TSG101: variants seen among roughly 807,000 people sequenced by gnomAD.
TSG101 encodes tumor susceptibility gene 101 protein.
Under a neutral mutation model 48.5 loss-of-function variants are expected in TSG101, and 19 were observed. That is an observed-to-expected ratio of 0.39 (90% CI 0.27 to 0.58). The LOEUF (loss-of-function observed/expected upper bound fraction) is 0.58, where lower values mean the gene tolerates loss of function less well. TSG101 is among the 20% of genes least tolerant of loss of function. TSG101 has a pLI of 0.55. For synonymous variants in TSG101, 174 were observed against 169.4 expected, an observed-to-expected ratio of 1.03 and a Z score of -0.21; for missense variants, 365 against 484.4, an observed-to-expected ratio of 0.75 and a Z score of 2.31.
chr11:18,506,574 C>T (rs1849977436), intron 6 of TSG101, among the ~76,000 whole-genome samples: 1 of 151,828 alleles, frequency 6.6e-6, no homozygotes, highest in Non-Finnish European at 1.5e-5. Context: ...CCTGTAGTCC[C>T]AACTGCTAGG....
At chr11:18,505,306 G>T (rs1038381146) in intron 6 of TSG101, among the ~76,000 whole-genome samples, 2 of 151,764 alleles carry the variant, frequency 1.3e-5, no homozygotes, top group Admixed American at 1.3e-4. Context: ...GGCCAGACTG[G>T]AGTACAGTGG....
intron 7 of TSG101, among the ~76,000 whole-genome samples, chr11:18,498,213 G>A (rs1207623229): frequency 6.6e-6 from 1 of 152,180 alleles, no homozygotes; most frequent in Non-Finnish European, 1.5e-5. Flanking sequence ...AAGTAATGGG[G>A]AAGAGGGCAG....
intron 1 of TSG101, among the ~76,000 whole-genome samples, chr11:18,523,506 T>C (rs1850314623): frequency 6.6e-6 from 1 of 152,104 alleles, no homozygotes; most frequent in Admixed American, 6.5e-5. Context: ...TATTTTTATT[T>C]ATTTATTTGT....
rs1187857262 is a variant in TSG101 at position 18,526,778 on chromosome 11, G to A, written c.39C>T (p.Ser13=). 1.2e-6 allele frequency: 2 copies of A among 1,602,468 alleles called. No homozygotes were observed. Among genetic ancestry groups the A allele is most frequent in the Non-Finnish European group, 1.7e-6 (2 of 1,179,688 alleles). ...VSESQLKKMV[S]KYKYRDLTVR... The stretch of plus-strand genomic sequence containing the variant: ...GGCGAGCGCGTCGCAGCCTCACCTT[G>A]GACACCATTTTCTTGAGCTGGCTCT... The change falls in exon 1 of 10, where the codon TCC becomes TCT. Residue 13 remains serine (S), a synonymous_variant. Coordinates refer to ENST00000251968, the MANE Select transcript of TSG101 (RefSeq NM_006292.4).
chr11:18,505,505 G>A (rs747269742), intron 6 of TSG101, among the ~76,000 whole-genome samples: 1 of 151,768 alleles, frequency 6.6e-6, no homozygotes, highest in African/African-American at 2.4e-5. Context: ...TCCCTACCTC[G>A]GCCTCCCAAA....
chr11:18,495,875 G>T (rs1444509408), intron 7 of TSG101, among the ~76,000 whole-genome samples: 1 of 150,512 alleles, frequency 6.6e-6, no homozygotes, highest in African/African-American at 2.4e-5. Flanking sequence ...AGTGAGCTGA[G>T]ATTGCATCAC....
chr11:18,519,567 T>G lies in TSG101; in HGVS notation c.79A>C (p.Asn27His), dbSNP rs1850234217. 2.5e-6 allele frequency: 4 copies of G among 1,612,938 alleles called. No homozygotes were observed. The highest frequency in any genetic ancestry group is 2.2e-5 in the South Asian group (2 of 90,914). Residue 27 changes from asparagine (N) to histidine (H), a missense_variant, in exon 2 of 10, where the codon AAT becomes CAT. Physicochemically the swap from Asn to His is moderately conservative, Grantham distance 68 (BLOSUM62 1). Transcript: ENST00000251968. ...AGATCTTTGTATAGAGTAATAACATTGACAGTTTCACGTACAGTTAGGTCT... is the reference window on the plus strand; with the variant it reads ...AGATCTTTGTATAGAGTAATAACATGGACAGTTTCACGTACAGTTAGGTCT... ...YRDLTVRETV[N>H]VITLYKDLKP...
In TSG101 at chr11:18,514,085, C is replaced by CA. The variant is rs765168236; in HGVS notation, c.357+592dup. 6.6e-3 allele frequency among the ~76,000 whole-genome samples: 870 copies of CA among 131,486 alleles called. 4 individuals carry two copies. Among genetic ancestry groups the CA allele is most frequent in the East Asian group, 0.032 (150 of 4,648 alleles). The allele number at this position is 131,486 out of a possible 152,430, so 86.3% of individuals were successfully genotyped here. A position where few individuals can be genotyped will look rare whatever the true frequency, so the allele number is the denominator to read the frequency against. ...GGGCAACAGAGTAAAACTCTGTCTC[C>CA]AAAAAAAAAAAAAGGAATCAGTAAG... On this transcript the variant is annotated intron_variant, in intron 4 of 9. Coordinates refer to ENST00000251968, the MANE Select transcript of TSG101 (RefSeq NM_006292.4).
intron 2 of TSG101, among the ~76,000 whole-genome samples, chr11:18,518,984 A>T (rs1220453245): frequency 1.3e-5 from 2 of 152,070 alleles, no homozygotes; most frequent in African/African-American, 4.8e-5. Flanking sequence ...AAATTTGCAT[A>T]GTTCTATGTT....
intron 6 of TSG101, among the ~76,000 whole-genome samples, chr11:18,503,043 T>C (rs911458731): frequency 6.6e-6 from 1 of 152,178 alleles, no homozygotes; most frequent in African/African-American, 2.4e-5. Context: ...ACCAAACTCA[T>C]CTTTAGTTTA....
At position 18,526,776 on chromosome 11, in the gene TSG101, T is replaced by C; in HGVS notation, c.41A>G (p.Lys14Arg). 1 of 1,602,448 alleles carries C rather than the reference T, an allele frequency of 6.2e-7. No individual in the cohort carries two copies. Among genetic ancestry groups the C allele is most frequent in the Non-Finnish European group, 8.5e-7 (1 of 1,179,668 alleles). Residue 14 changes from lysine to arginine, a missense_variant and splice_region_variant, in exon 1 of 10, where the codon AAG becomes AGG. Coordinates refer to ENST00000251968, the MANE Select transcript of TSG101 (RefSeq NM_006292.4). ...GAGGCGAGCGCGTCGCAGCCTCACCTTGGACACCATTTTCTTGAGCTGGCT... is the reference window on the plus strand; with the variant it reads ...GAGGCGAGCGCGTCGCAGCCTCACCCTGGACACCATTTTCTTGAGCTGGCT... ...SESQLKKMVS[K>R]YKYRDLTVRE...
chr11:18,520,799 G>A (rs4622240), intron 1 of TSG101, among the ~76,000 whole-genome samples: 3 of 152,088 alleles, frequency 2.0e-5, no homozygotes, highest in African/African-American at 7.2e-5. Context: ...TTGGGAGGCC[G>A]AGGCAGGCGG....
chr11:18,524,054 A>C lies in TSG101; in HGVS notation c.42+2721T>G, dbSNP rs530329472. ...GGATTCTCCCATCTCTACCTCCCAA[A>C]GTATTGGGATTACAGGCATGAGCCA... On this transcript the variant is annotated intron_variant, in intron 1 of 9. Coordinates refer to ENST00000251968, the MANE Select transcript of TSG101 (RefSeq NM_006292.4). 3.3e-5 allele frequency among the ~76,000 whole-genome samples: 5 copies of C among 152,222 alleles called. 1 individual carries two copies. Among genetic ancestry groups the C allele is most frequent in the African/African-American group, 1.2e-4 (5 of 41,528 alleles).
intron 1 of TSG101, among the ~76,000 whole-genome samples, chr11:18,521,718 C>T (rs1850281767): frequency 7.1e-6 from 1 of 140,722 alleles, no homozygotes; most frequent in Admixed American, 7.5e-5. Flanking sequence ...TGGCTGTCAC[C>T]CAGGCTGGAG....
chr11:18,507,543 A>G (rs1335786324), intron 5 of TSG101: 2 of 152,224 alleles, frequency 1.3e-5, no homozygotes, highest in Non-Finnish European at 2.9e-5. Flanking sequence ...AATACTTTAT[A>G]CATTCTTTAA....
At chr11:18,505,248 G>A (rs892025171) in intron 6 of TSG101, among the ~76,000 whole-genome samples, 1 of 150,432 alleles carries the variant, frequency 6.6e-6, no homozygotes, top group East Asian at 2.0e-4. Flanking sequence ...CTTGGCATCA[G>A]TATATGCCAA....
intron 2 of TSG101, 149 bp from the exon 3 acceptor site, chr11:18,516,313 A>G: frequency 1.6e-6 from 1 of 615,632 alleles, no homozygotes; most frequent in Non-Finnish European, 2.8e-6. Flanking sequence ...ATAACTAACA[A>G]TTCTTTGTTG....
At position 18,496,809 on chromosome 11, in the gene TSG101, C is replaced by T. The variant is rs531621056; in HGVS notation, c.640+5677G>A. On this transcript the variant is annotated intron_variant, in intron 7 of 9. Transcript: ENST00000251968. ...ATCCTGTATCAAAAAACAAGGATAG[C>T]GCCAGGTGTGGTGGCTCAGGCCTGT... Among the ~76,000 whole-genome samples the T allele has an allele frequency of 3.9e-4, 59 of 151,952 alleles. 2 individuals are homozygous for T. The highest frequency in any genetic ancestry group is 2.1e-4 in the South Asian group (1 of 4,800).
At position 18,504,544 on chromosome 11, in the gene TSG101, A is replaced by C. The variant is rs545713781; in HGVS notation, c.549-1967T>G. Among the ~76,000 whole-genome samples, 123 of 152,332 alleles carry C rather than the reference A, an allele frequency of 8.1e-4. 2 individuals carry two copies. The South Asian group carries it at 0.024, about 30-fold the overall frequency. On this transcript the variant is annotated intron_variant, in intron 6 of 9. Transcript: ENST00000251968. ...TGCTATAATGCTGTAAAGAAATGTC[A>C]ATCCTACTGAAATTTCTAAATCCAC...
Sources: allele counts gnomAD v4.1 joint callset (sites outside exome capture counted in the v4.1 genomes callset), GRCh38; gene constraint gnomAD v4.1.1; transcripts MANE v1.5; gene names NCBI Gene and HGNC (gene_info 2026-07-23, HGNC 2026-07-21).